The following CCSER1 variants were observed in gnomAD, a reference collection of about 807,000 sequenced individuals.
The protein encoded by CCSER1 is coiled-coil serine rich protein 1.
Under a neutral mutation model 82.0 loss-of-function variants are expected in CCSER1, and 41 were observed. The observed-to-expected ratio is 0.50, with a 90% CI of 0.39 to 0.65. The LOEUF (loss-of-function observed/expected upper bound fraction) is 0.65. Among genes scored for constraint, CCSER1 ranks in the 30% least tolerant of loss-of-function variants. The pLI is 0.00. For synonymous variants in CCSER1, 414 were observed against 383.9 expected, an observed-to-expected ratio of 1.08 and a Z score of -0.92; for missense variants, 1,119 against 1,064.2, an observed-to-expected ratio of 1.05 and a Z score of -0.72.
chr4:90,243,867 G>A (rs1260849702), intron 1 of CCSER1, among the ~76,000 whole-genome samples: 2 of 150,436 alleles, frequency 1.3e-5, no homozygotes, highest in African/African-American at 4.9e-5. Flanking sequence ...CGCTGTTGTA[G>A]CATTCACTGG....
rs530972359 is a variant in CCSER1, at chr4:90,602,597, A to G, written c.1725-25428A>G. Among the ~76,000 whole-genome samples the G allele has an allele frequency of 9.8e-5, 15 of 152,292 alleles. No individual in the cohort carries two copies. In the South Asian group the frequency reaches 2.7e-3, roughly 27 times the overall value. ...AGTTTCTAAGCAACAAGCAACTGCCAGGCTACATTTCCACATTTTCATGGA... is the reference window on the plus strand; with the variant it reads ...AGTTTCTAAGCAACAAGCAACTGCCGGGCTACATTTCCACATTTTCATGGA... On this transcript the variant is annotated intron_variant, in intron 5 of 10. Coordinates refer to ENST00000509176, the MANE Select transcript of CCSER1 (RefSeq NM_001145065.2).
At chr4:90,602,571 T>C (rs929990819) in intron 5 of CCSER1, among the ~76,000 whole-genome samples, 3 of 152,140 alleles carry the variant, frequency 2.0e-5, no homozygotes, top group African/African-American at 4.8e-5. Flanking sequence ...ACTGGCCAAG[T>C]AGTTTCTAAG....
intron 5 of CCSER1, among the ~76,000 whole-genome samples, chr4:90,517,592 G>A (rs926179358): frequency 6.6e-6 from 1 of 152,074 alleles, no homozygotes; most frequent in African/African-American, 2.4e-5. Context: ...GATTTAAACT[G>A]GTGTGATCCA....
chr4:90,242,256 G>A (rs1488608765), intron 1 of CCSER1, among the ~76,000 whole-genome samples: 6 of 152,314 alleles, frequency 3.9e-5, no homozygotes, highest in African/African-American at 1.4e-4. Context: ...GCAGTGAGCC[G>A]AGATTGTGCC....
intron 6 of CCSER1, among the ~76,000 whole-genome samples, chr4:90,651,465 C>G (rs1728723660): frequency 6.6e-6 from 1 of 152,140 alleles, no homozygotes; most frequent in African/African-American, 2.4e-5. Flanking sequence ...CACACGTTCT[C>G]ACTCATAAGT....
At chr4:90,419,844 A>C (rs897848134) in intron 4 of CCSER1, among the ~76,000 whole-genome samples, 1 of 151,918 alleles carries the variant, frequency 6.6e-6, no homozygotes, top group Non-Finnish European at 1.5e-5. Flanking sequence ...ATAAACCCTC[A>C]GTTCTTCATA....
At chr4:90,504,789 A>G (rs1770442790) in intron 5 of CCSER1, among the ~76,000 whole-genome samples, 2 of 152,180 alleles carry the variant, frequency 1.3e-5, no homozygotes, top group African/African-American at 4.8e-5. Context: ...GAAAACCATG[A>G]TGTCCTTAGG....
chr4:90,672,563 C>T (rs1732992651), intron 6 of CCSER1, among the ~76,000 whole-genome samples: 2 of 152,044 alleles, frequency 1.3e-5, no homozygotes, highest in South Asian at 2.1e-4. Context: ...GTTTCACTTT[C>T]TTATTATTTA....
intron 1 of CCSER1, among the ~76,000 whole-genome samples, chr4:90,224,427 TA>T (rs1423391203): frequency 6.6e-5 from 10 of 152,224 alleles, no homozygotes; most frequent in African/African-American, 2.4e-4. Context: ...AAAATAGGCT[TA>T]AGTAGAAAAC....
At chr4:91,126,471 G>A (rs555784888) in intron 10 of CCSER1, among the ~76,000 whole-genome samples, 35 of 151,842 alleles carry the variant, frequency 2.3e-4, no homozygotes, top group African/African-American at 8.0e-4. Context: ...ATGTGTCAGT[G>A]TTCACATTAA....
chr4:91,012,327 GA>G (rs1390962734), intron 9 of CCSER1, among the ~76,000 whole-genome samples: 2 of 133,624 alleles, frequency 1.5e-5, no homozygotes, highest in Non-Finnish European at 3.5e-5. Context: ...GGGGTACATG[GA>G]GCAGCTCTGC....
chr4:90,547,403 C>G (rs10027240), intron 5 of CCSER1, among the ~76,000 whole-genome samples: 24,254 of 151,882 alleles, frequency 0.16, 2,520 homozygotes, highest in East Asian at 0.44. Context: ...AGGAAAACAT[C>G]ATTTCTATTA....
At chr4:90,903,429 A>G (rs868362581) in intron 8 of CCSER1, among the ~76,000 whole-genome samples, 2 of 152,064 alleles carry the variant, frequency 1.3e-5, no homozygotes, top group South Asian at 2.1e-4. Flanking sequence ...TGTAAGTCCA[A>G]TTGAACCTCT....
rs1329991630 is a variant in CCSER1 at position 90,754,170 on chromosome 4, G to T, written c.2010+30179G>T. Among the ~76,000 whole-genome samples the T allele has an allele frequency of 3.3e-5, 5 of 152,046 alleles. No individual in the cohort carries two copies. In the East Asian group the frequency reaches 9.6e-4, roughly 29 times the overall value. On this transcript the variant is annotated intron_variant, in intron 7 of 10. Coordinates refer to ENST00000509176, the MANE Select transcript of CCSER1 (RefSeq NM_001145065.2). The stretch of plus-strand genomic sequence containing the variant: ...TATGCATGTGTTTAAAATCAGTTTT[G>T]CTCAGTAAAATGGAAGCTTAGCATG...
chr4:90,325,476 G>T, intron 3 of CCSER1: 1 of 177,212 alleles, frequency 5.6e-6, no homozygotes, highest in Non-Finnish European at 1.3e-5. Flanking sequence ...ATTTTTAATT[G>T]GATCAGTTAA....
chr4:90,170,855 T>C (rs973542077), intron 1 of CCSER1, among the ~76,000 whole-genome samples: 1 of 151,984 alleles, frequency 6.6e-6, no homozygotes, highest in Non-Finnish European at 1.5e-5. Flanking sequence ...TTTGACATAC[T>C]GATTTCCTTT....
intron 10 of CCSER1, among the ~76,000 whole-genome samples, chr4:91,402,788 G>A (rs1355009452): frequency 6.6e-6 from 1 of 152,120 alleles, no homozygotes; most frequent in Non-Finnish European, 1.5e-5. Flanking sequence ...TGCTGTTTTG[G>A]TTACTGTAGC....
chr4:90,731,985 A>G (rs190492702), intron 7 of CCSER1, among the ~76,000 whole-genome samples: 276 of 151,382 alleles, frequency 1.8e-3, no homozygotes, highest in Non-Finnish European at 2.5e-3. Flanking sequence ...TCCTTTATTC[A>G]CAAGTCTGGT....
rs568938012 is a variant in CCSER1 at position 91,470,486 on chromosome 4, T to C, written c.2218-128086T>C. ...AAATGAGATCCAGTGTGTGCTGCTT[T>C]ATACGTAGCAGACTGGGGATGACAC... On this transcript the variant is annotated intron_variant, in intron 10 of 10. Coordinates refer to ENST00000509176, the MANE Select transcript of CCSER1 (RefSeq NM_001145065.2). Among the ~76,000 whole-genome samples the C allele has an allele frequency of 5.3e-5, 8 of 152,156 alleles. No individual in the cohort carries two copies. In the South Asian group the frequency reaches 1.7e-3, roughly 32 times the overall value.
Sources: allele counts gnomAD v4.1 joint callset (sites outside exome capture counted in the v4.1 genomes callset), GRCh38; gene constraint gnomAD v4.1.1; transcripts MANE v1.5; gene names NCBI Gene and HGNC (gene_info 2026-07-23, HGNC 2026-07-21).